Variants in UACA observed in about 807,000 individuals in gnomAD.
The protein encoded by UACA is uveal autoantigen with coiled-coil domains and ankyrin repeats, also known as nuclear membrane binding protein.
A neutral mutation model predicts 160.5 loss-of-function variants in UACA; 112 were observed. That is an observed-to-expected ratio of 0.70 (90% confidence interval 0.60 to 0.82). The LOEUF (loss-of-function observed/expected upper bound fraction) is 0.82, where lower values mean the gene tolerates loss of function less well. UACA is among the 40% of genes least tolerant of loss of function. UACA has a pLI of 0.00. For synonymous variants in UACA, 557 were observed against 568.4 expected, an observed-to-expected ratio of 0.98 and a Z score of 0.29; for missense variants, 1,574 against 1,614.6, an observed-to-expected ratio of 0.97 and a Z score of 0.43.
At chr15:70,659,391 G>GTTTATTTTTTTTTTTTTTTTT (rs1375150038) in intron 18 of UACA, among the ~76,000 whole-genome samples, 1 of 9,958 alleles carries the variant, frequency 1.0e-4, no homozygotes, top group Non-Finnish European at 4.2e-4. Context: ...TTCATTTTTT[G>GTTTATTTTTTTTTTTTTTTTT]TTTGTTTTTT....
intron 17 of UACA, among the ~76,000 whole-genome samples, chr15:70,663,255 A>G (rs544403543): frequency 1.2e-3 from 185 of 152,348 alleles, no homozygotes; most frequent in African/African-American, 4.1e-3. Context: ...GACACATGAA[A>G]AAATGCTCAT....
chr15:70,662,654 C>T (rs1257165587), intron 17 of UACA, among the ~76,000 whole-genome samples: 2 of 152,092 alleles, frequency 1.3e-5, no homozygotes, highest in East Asian at 3.8e-4. Flanking sequence ...CTACTGGTAC[C>T]AAAACAGAGA....
intron 1 of UACA, among the ~76,000 whole-genome samples, chr15:70,722,959 G>GA (rs1182119087): frequency 2.0e-5 from 3 of 151,998 alleles, no homozygotes; most frequent in Admixed American, 1.3e-4. Context: ...TGTCCAGAAA[G>GA]AAAAAAATGG....
intron 18 of UACA, among the ~76,000 whole-genome samples, chr15:70,657,830 C>T (rs1295580088): frequency 6.6e-6 from 1 of 151,914 alleles, no homozygotes; most frequent in Non-Finnish European, 1.5e-5. Flanking sequence ...ACCTGCAATC[C>T]CAGCATTTTG....
intron 1 of UACA, among the ~76,000 whole-genome samples, chr15:70,728,802 G>A (rs1899227761): frequency 6.6e-6 from 1 of 151,306 alleles, no homozygotes; most frequent in Non-Finnish European, 1.5e-5. Context: ...TCCAACAAAG[G>A]TTTAATATAC....
chr15:70,657,432 G>A (rs891222671), intron 18 of UACA, among the ~76,000 whole-genome samples: 50 of 151,944 alleles, frequency 3.3e-4, no homozygotes, highest in African/African-American at 1.2e-3. Context: ...CCAACATGGC[G>A]AAACCCCATC....
rs1460093076 is a variant in UACA, at chr15:70,739,743, C to T, written c.78+23587G>A. Among the ~76,000 whole-genome samples the T allele has an allele frequency of 2.0e-5, 3 of 152,282 alleles. No individual in the cohort carries two copies. In the East Asian group the frequency reaches 5.8e-4, roughly 29 times the overall value. ...GAAGATAATGGTGTCAGATGTTAAA[C>T]TAAATTAATACTACTGGCTCTAGAT... On this transcript the variant is annotated intron_variant, in intron 1 of 18. Coordinates refer to ENST00000322954, the MANE Select transcript of UACA (RefSeq NM_018003.4).
the UACA span, among the ~76,000 whole-genome samples, chr15:70,773,472 G>A: frequency 6.6e-6 from 1 of 152,306 alleles, no homozygotes; most frequent in African/African-American, 2.4e-5. Flanking sequence ...GCTGGGAGGA[G>A]AATGATCCAG....
chr15:70,720,950 C>T (rs977791070), intron 1 of UACA, among the ~76,000 whole-genome samples: 9 of 152,136 alleles, frequency 5.9e-5, no homozygotes, highest in African/African-American at 1.9e-4. Context: ...CAGGTAGAGA[C>T]AGAGGATGCT....
Position 70,655,334 on chromosome 15 carries a change from TCTC to T in UACA, c.*1719_*1721del, listed in dbSNP as rs1896450669. 2 of 152,390 alleles carry T rather than the reference TCTC, an allele frequency of 1.3e-5. No homozygotes were observed. The highest frequency in any genetic ancestry group is 2.9e-5 in the Non-Finnish European group (2 of 68,214). 9.4% of individuals were successfully genotyped at this position (152,390 alleles called of 1,614,324 possible). ...CCTCCGCCTCCCAGGTTCAAGCGAT[TCTC>T]CTGTCTCAGCCTCCCGAGTACCTGG... On this transcript the variant is annotated 3_prime_UTR_variant, in exon 19 of 19. Coordinates refer to ENST00000322954, the MANE Select transcript of UACA (RefSeq NM_018003.4).
chr15:70,741,860 C>T (rs1899547699), intron 1 of UACA, among the ~76,000 whole-genome samples: 1 of 152,158 alleles, frequency 6.6e-6, no homozygotes, highest in Non-Finnish European at 1.5e-5. Flanking sequence ...CAAGAAATTT[C>T]ACCTTACAGG....
At position 70,668,894 on chromosome 15, in the gene UACA, A is replaced by G. The variant is rs1566965692; in HGVS notation, c.1790T>C (p.Met597Thr). Reference protein sequence around the residue: ...ENKRLQKELSMCEMEREKKGR... With the variant: ...ENKRLQKELSTCEMEREKKGR... ...TTTCTTCTCTCGCTCCATTTCACACATACTAAGTTCCTTCTGTAATCGCTT... is the reference window on the plus strand; with the variant it reads ...TTTCTTCTCTCGCTCCATTTCACACGTACTAAGTTCCTTCTGTAATCGCTT... Residue 597 changes from methionine (M) to threonine (T), a missense_variant, in exon 16 of 19, where the codon ATG becomes ACG. By Grantham distance (81) the Met-to-Thr change is moderately conservative. Coordinates refer to ENST00000322954, the MANE Select transcript of UACA (RefSeq NM_018003.4). 3.1e-6 allele frequency: 5 copies of G among 1,613,452 alleles called. No individual in the cohort carries two copies. Among genetic ancestry groups the G allele is most frequent in the East Asian group, 4.5e-5 (2 of 44,878 alleles).
chr15:70,773,589 C>T, the UACA span, among the ~76,000 whole-genome samples: 9 of 152,000 alleles, frequency 5.9e-5, no homozygotes, highest in African/African-American at 1.9e-4. Flanking sequence ...ACATGTCATC[C>T]GCAGTAACAG....
chr15:70,667,775 T>C lies in UACA; in HGVS notation c.2909A>G (p.Gln970Arg). ...IVTLHAEIKA[Q>R]KKELDTIQEC... The stretch of plus-strand genomic sequence containing the variant: ...TTGTATTGTGTCGAGCTCCTTCTTC[T>C]GGGCTTTAATTTCGGCATGCAGTGT... Residue 970 changes from glutamine to arginine, a missense_variant, in exon 16 of 19, where the codon CAG becomes CGG. Coordinates refer to ENST00000322954, the MANE Select transcript of UACA (RefSeq NM_018003.4). 3 of 1,614,076 alleles carry C rather than the reference T, an allele frequency of 1.9e-6. No homozygotes were observed. Among genetic ancestry groups the C allele is most frequent in the African/African-American group, 1.3e-5 (1 of 75,050 alleles).
At chr15:70,714,711 A>G (rs895246743) in intron 1 of UACA, among the ~76,000 whole-genome samples, 4 of 152,148 alleles carry the variant, frequency 2.6e-5, no homozygotes, top group African/African-American at 9.6e-5. Context: ...CTCAGAAACC[A>G]CTGCTTTGCC....
At chr15:70,741,053 A>G (rs1179865161) in intron 1 of UACA, among the ~76,000 whole-genome samples, 1 of 151,960 alleles carries the variant, frequency 6.6e-6, no homozygotes. Flanking sequence ...AAAATAAAAT[A>G]AAATAAAAAT....
At chr15:70,726,950 G>C (rs1899161403) in intron 1 of UACA, among the ~76,000 whole-genome samples, 1 of 152,050 alleles carries the variant, frequency 6.6e-6, no homozygotes, top group Admixed American at 6.6e-5. Flanking sequence ...GTGGTGATGT[G>C]GCCAGTGCTC....
upstream of UACA, among the ~76,000 whole-genome samples, chr15:70,765,248 A>T (rs976070702): frequency 5.9e-5 from 9 of 151,578 alleles, no homozygotes; most frequent in African/African-American, 1.9e-4. Context: ...CTCCCCCAAG[A>T]GTGATTGGTA....
rs1156611181 is a variant in UACA at position 70,704,862 on chromosome 15, CAGA to C, written c.79-5205_79-5203del. Among the ~76,000 whole-genome samples the C allele has an allele frequency of 2.6e-5, 4 of 152,276 alleles. No homozygotes were observed. The East Asian group carries it at 7.7e-4, about 29-fold the overall frequency. On this transcript the variant is annotated intron_variant, in intron 1 of 18. Transcript: ENST00000322954. Reference sequence around the variant, plus strand: ...AATCAGGCAGCCCACAAAATCACAGCAGATTCAGAGAGACCCCAGGGATGCCTT... The same window carrying C: ...AATCAGGCAGCCCACAAAATCACAGCTTCAGAGAGACCCCAGGGATGCCTT...
Sources: gnomAD v4.1 joint callset for allele counts (sites outside exome capture counted in the v4.1 genomes callset) on GRCh38, gnomAD v4.1.1 for gene constraint, MANE v1.5 for transcripts, NCBI Gene and HGNC (gene_info 2026-07-23, HGNC 2026-07-21) for gene names.